Variants in ZNF813 observed in about 807,000 individuals in gnomAD.
ZNF813 encodes the protein zinc finger protein 813.
Under a neutral mutation model 7.2 loss-of-function variants are expected in ZNF813, and 3 were observed. That is an observed-to-expected ratio of 0.42 (90% CI 0.19 to 1.08). ZNF813 has a LOEUF of 1.08. Ranked by LOEUF, ZNF813 falls within the 50% of genes least tolerant of loss-of-function variation. The probability of loss-of-function intolerance (pLI) is 0.30; values close to 1 mark genes in which losing one functional copy is unlikely to be tolerated. For missense variants in ZNF813, 714 were observed against 753.3 expected, an observed-to-expected ratio of 0.95 and a Z score of 0.61; for synonymous variants, 227 against 256.3, an observed-to-expected ratio of 0.89 and a Z score of 1.09.
At chr19:53,487,111 C>G (rs2086438373) in intron 3 of ZNF813, among the ~76,000 whole-genome samples, 1 of 151,026 alleles carries the variant, frequency 6.6e-6, no homozygotes, top group Admixed American at 6.6e-5. Context: ...ACCCCCATAA[C>G]TAATTATTGG....
In ZNF813 at chr19:53,490,621, A is replaced by G; in HGVS notation, c.389A>G (p.His130Arg). 6.2e-7 allele frequency: 1 copy of G among 1,614,230 alleles called. No homozygotes were observed. Among genetic ancestry groups the G allele is most frequent in the South Asian group, 1.1e-5 (1 of 91,082 alleles). ...AGTGCAGACCGATATGATCAAAGGC[A>G]TGCTGGAAACAAGCCTATTAAAGAT... ...TGSADRYDQR[H>R]AGNKPIKDQL... Residue 130 changes from histidine (H) to arginine (R), a missense_variant, in exon 4 of 4, where the codon CAT becomes CGT. By Grantham distance (29) the His-to-Arg change is conservative. This residue lies in a region of ZNF813 where 563 missense variants were observed against 554.2 expected (regional missense o/e 1.02). Transcript: ENST00000396403.
At position 53,492,291 on chromosome 19, in the gene ZNF813, T is replaced by C; in HGVS notation, c.*205T>C. ...TAGACTTCATAGTGGAGAGAAACCT[T>C]AGAAATGTGAAGCATGTGACAAAGT... On this transcript the variant is annotated 3_prime_UTR_variant, in exon 4 of 4. Transcript: ENST00000396403. The C allele has an allele frequency of 1.2e-6, 1 of 821,558 alleles. No homozygotes were observed. Among genetic ancestry groups the C allele is most frequent in the Non-Finnish European group, 1.9e-6 (1 of 515,202 alleles). 50.9% of individuals were successfully genotyped at this position (821,558 alleles called of 1,614,324 possible). A position where few individuals can be genotyped will look rare whatever the true frequency, so the allele number is the denominator to read the frequency against.
At chr19:53,474,416 C>G (rs190164103) in intron 1 of ZNF813, among the ~76,000 whole-genome samples, 1 of 151,974 alleles carries the variant, frequency 6.6e-6, no homozygotes, top group African/African-American at 2.4e-5. Context: ...TGGCCGGGCG[C>G]GGTGGCTCAT....
At chr19:53,484,486 A>C (rs949653584) in intron 2 of ZNF813, among the ~76,000 whole-genome samples, 35 of 152,322 alleles carry the variant, frequency 2.3e-4, no homozygotes, top group African/African-American at 7.0e-4. Flanking sequence ...CTGTGGGGTT[A>C]CTGTGGAGAG....
chr19:53,483,721 G>T (rs551065699), intron 1 of ZNF813, 29 bp from the exon 2 acceptor site: 16 of 1,590,356 alleles, frequency 1.0e-5, no homozygotes, highest in Non-Finnish European at 1.4e-5. Context: ...TTGATTCTGA[G>T]CAATAAACAA....
rs67693797 is a variant in ZNF813, at chr19:53,486,981, G to GTTT, written c.142+244_142+246dup. Among the ~76,000 whole-genome samples, 7 of 86,070 alleles carry GTTT rather than the reference G, an allele frequency of 8.1e-5. No homozygotes were observed. In the South Asian group the frequency reaches 2.4e-3, roughly 29 times the overall value. 56.5% of individuals were successfully genotyped at this position (86,070 alleles called of 152,430 possible). ...GTGACCATGTCCGGCTACTTTTTTA[G>GTTT]TTTTTTTTTTTTTTTTTTTTTTTAG... is the stretch of plus-strand genomic sequence containing the variant. On this transcript the variant is annotated intron_variant, in intron 3 of 3. Transcript: ENST00000396403.
At chr19:53,488,404 C>T in intron 3 of ZNF813, 2 of 280,206 alleles carry the variant, frequency 7.1e-6, no homozygotes, top group Non-Finnish European at 7.1e-6. Flanking sequence ...TCTTTCATTT[C>T]CTTTTTTTTC....
In ZNF813 at chr19:53,492,586, C is replaced by CT. The variant is rs1287864550; in HGVS notation, c.*502dup. ...GCAAAGCCTTAATGAGCAGTCAACA[C>CT]TTACTCACCATCAGGCAATCCATGG... On this transcript the variant is annotated 3_prime_UTR_variant, in exon 4 of 4. Transcript: ENST00000396403. The CT allele has an allele frequency of 3.2e-6, 2 of 629,144 alleles. No homozygotes were observed. Among genetic ancestry groups the CT allele is most frequent in the African/African-American group, 1.9e-5 (1 of 53,792 alleles). The allele number at this position is 629,144 out of a possible 1,614,324, so 39.0% of individuals were successfully genotyped here.
rs1487517038 is a variant in ZNF813 at position 53,492,634 on chromosome 19, A to G, written c.*548A>G. The G allele has an allele frequency of 1.2e-5, 9 of 761,156 alleles. No homozygotes were observed. The highest frequency in any genetic ancestry group is 1.7e-5 in the Non-Finnish European group (8 of 467,890). The allele number at this position is 761,156 out of a possible 1,614,324, so 47.2% of individuals were successfully genotyped here. ...TGGTGAAGGAAACTTGACTAATGTA[A>G]TGATTGTCACCAAGTCTTCAGTAAC... On this transcript the variant is annotated 3_prime_UTR_variant, in exon 4 of 4. Transcript: ENST00000396403.
rs1368560604 is a variant in ZNF813, at chr19:53,468,297, T to G, written c.-74+508T>G. ...TCCCCTCCGCAGTCACGGCTTCCCC[T>G]GAGCCCACGTTGGGGAGGTGCCCGG... is the stretch of plus-strand genomic sequence containing the variant. On this transcript the variant is annotated intron_variant, in intron 1 of 3. Transcript: ENST00000396403. Among the ~76,000 whole-genome samples, 8 of 135,660 alleles carry G rather than the reference T, an allele frequency of 5.9e-5. No individual in the cohort carries two copies. The South Asian group carries it at 1.2e-3, about 21-fold the overall frequency. The allele number at this position is 135,660 out of a possible 152,430, so 89.0% of individuals were successfully genotyped here.
chr19:53,492,329 A>T lies in ZNF813; in HGVS notation c.*243A>T. Reference sequence around the variant, plus strand: ...CATGTGACAAAGTTTACAGTGGCAAATCGAGCCTCAAAAGACAGGAGAATT... The same window carrying T: ...CATGTGACAAAGTTTACAGTGGCAATTCGAGCCTCAAAAGACAGGAGAATT... On this transcript the variant is annotated 3_prime_UTR_variant, in exon 4 of 4. Transcript: ENST00000396403. 1.5e-6 allele frequency: 1 copy of T among 651,572 alleles called. No homozygotes were observed. Among genetic ancestry groups the T allele is most frequent in the Non-Finnish European group, 2.6e-6 (1 of 378,056 alleles). 40.4% of individuals were successfully genotyped at this position (651,572 alleles called of 1,614,324 possible).
intron 1 of ZNF813, among the ~76,000 whole-genome samples, chr19:53,473,867 G>A (rs1383179520): frequency 1.3e-5 from 2 of 152,130 alleles, no homozygotes; most frequent in South Asian, 2.1e-4. Context: ...TATTTGGTGG[G>A]GGTGCACCTG....
chr19:53,491,485 A>G lies in ZNF813; in HGVS notation c.1253A>G (p.Lys418Arg). ...EKPYKCNECG[K>R]VFNKKANLAR... ...CCTTACAAGTGTAATGAATGTGGCA[A>G]GGTTTTTAATAAAAAGGCAAACCTT... is the stretch of plus-strand genomic sequence containing the variant. Residue 418 changes from lysine (K) to arginine (R), a missense_variant, in exon 4 of 4, where the codon AAG becomes AGG. Lys to Arg is a conservative substitution (Grantham distance 26, BLOSUM62 2). This residue lies in a region of ZNF813 where 563 missense variants were observed against 554.2 expected (regional missense o/e 1.02). Coordinates refer to ENST00000396403, the MANE Select transcript of ZNF813 (RefSeq NM_001004301.4). 1 of 1,614,150 alleles carries G rather than the reference A, an allele frequency of 6.2e-7. No individual in the cohort carries two copies. The highest frequency in any genetic ancestry group is 8.5e-7 in the Non-Finnish European group (1 of 1,179,992).
At chr19:53,471,857 CAGTT>C (rs1448443200) in intron 1 of ZNF813, among the ~76,000 whole-genome samples, 67 of 149,832 alleles carry the variant, frequency 4.5e-4, no homozygotes, top group African/African-American at 1.6e-3. Context: ...GGGGAAGAGT[CAGTT>C]AGAGTTAAAT....
At position 53,491,717 on chromosome 19, in the gene ZNF813, C is replaced by T. The variant is rs1186437346; in HGVS notation, c.1485C>T (p.Tyr495=). 6.4e-6 allele frequency: 10 copies of T among 1,573,486 alleles called. No homozygotes were observed. In the African/African-American group the frequency reaches 6.8e-5, roughly 11 times the overall value. The change falls in exon 4 of 4, where the codon TAC becomes TAT. Residue 495 remains tyrosine (Y), a synonymous_variant. Coordinates refer to ENST00000396403, the MANE Select transcript of ZNF813 (RefSeq NM_001004301.4). The part of the protein sequence containing the change: ...HTAIHTGEKP[Y]KCNECGKGFN... Reference sequence around the variant, plus strand: ...CAATTCATACTGGAGAGAAACCTTACAAGTGTAATGAATGTGGCAAGGGTT... The same window carrying T: ...CAATTCATACTGGAGAGAAACCTTATAAGTGTAATGAATGTGGCAAGGGTT...
In ZNF813 at chr19:53,491,885, C is replaced by T. The variant is rs2147164438; in HGVS notation, c.1653C>T (p.Tyr551=). The T allele has an allele frequency of 6.2e-7, 1 of 1,613,456 alleles. No homozygotes were observed. The highest frequency in any genetic ancestry group is 8.5e-7 in the Non-Finnish European group (1 of 1,179,514). The change falls in exon 4 of 4, where the codon TAC becomes TAT. Residue 551 remains tyrosine (Y), a synonymous_variant. Transcript: ENST00000396403. ...HHRLHTGDKP[Y]KCNECGKVFN... ...GACTTCATACTGGAGATAAACCTTA[C>T]AAGTGTAATGAATGTGGCAAGGTTT... is the stretch of plus-strand genomic sequence containing the variant.
Position 53,491,168 on chromosome 19 carries a change from A to C in ZNF813, c.936A>C (p.Ser312=). 6.2e-7 allele frequency: 1 copy of C among 1,614,130 alleles called. No homozygotes were observed. Among genetic ancestry groups the C allele is most frequent in the Non-Finnish European group, 8.5e-7 (1 of 1,179,992 alleles). The change falls in exon 4 of 4, where the codon TCA becomes TCC. Residue 312 remains serine, a synonymous_variant. Coordinates refer to ENST00000396403, the MANE Select transcript of ZNF813 (RefSeq NM_001004301.4). ...GTGACAAAGCTTTCAGTTTCAAATCAAACCTTAAAAGACATAGGAGAATTC... is the reference window on the plus strand; with the variant it reads ...GTGACAAAGCTTTCAGTTTCAAATCCAACCTTAAAAGACATAGGAGAATTC... ...EECDKAFSFK[S]NLKRHRRIHA... is the part of the protein sequence containing the mutation.
At chr19:53,469,599 C>T (rs937955468) in intron 1 of ZNF813, among the ~76,000 whole-genome samples, 36 of 151,532 alleles carry the variant, frequency 2.4e-4, no homozygotes, top group Non-Finnish European at 4.6e-4. Context: ...TGGAGACATG[C>T]AGAGAAAAGC....
intron 1 of ZNF813, among the ~76,000 whole-genome samples, chr19:53,474,510 C>T (rs898924819): frequency 7.9e-5 from 12 of 152,050 alleles, no homozygotes; most frequent in African/African-American, 2.4e-4. Context: ...AACATGGTGA[C>T]GTCCAGTCTC....
Sources: gnomAD v4.1 joint callset for allele counts (sites outside exome capture counted in the v4.1 genomes callset) on GRCh38, gnomAD v4.1.1 for gene constraint, gnomAD v4.1.1 regional missense constraint, MANE v1.5 for transcripts, NCBI Gene and HGNC (gene_info 2026-07-23, HGNC 2026-07-21) for gene names.